CSTF2: variants seen among roughly 807,000 people sequenced by gnomAD.
The protein encoded by CSTF2 is CF-1 64 kDa subunit.
Under a neutral mutation model 45.4 loss-of-function variants are expected in CSTF2, and 8 were observed. The ratio of observed to expected loss-of-function variants is 0.18; its 90% CI spans 0.10 to 0.32. The LOEUF is 0.32. CSTF2 is among the 10% of genes least tolerant of loss of function. The pLI, the probability that CSTF2 is intolerant of heterozygous loss-of-function variation, is 1.00. For missense variants in CSTF2, 253 were observed against 477.1 expected (o/e 0.53, Z 4.38); for synonymous variants, 155 against 158.9 (o/e 0.98, Z 0.18).
chrX:100,830,947 T>C, intron 8 of CSTF2: 1 of 843,352 alleles, frequency 1.2e-6, no homozygotes, highest in Non-Finnish European at 1.7e-6. Context: ...TGCGTGGCAG[T>C]CATCCTCGCG....
intron 11 of CSTF2, among the ~76,000 whole-genome samples, chrX:100,835,782 C>T (rs1316689811): frequency 9.0e-6 from 1 of 110,874 alleles, no homozygotes; most frequent in Non-Finnish European, 1.9e-5. Flanking sequence ...GTCACTTTTG[C>T]TAGTACTTGT....
chrX:100,823,141 A>G (rs2084928090), intron 3 of CSTF2, 151 bp from the exon 4 acceptor site: 2 of 605,287 alleles, frequency 3.3e-6, no homozygotes, highest in African/African-American at 4.5e-5. Context: ...TCCTCCACAG[A>G]AACAAGAGGC....
chrX:100,835,869 T>A (rs1351515729), intron 11 of CSTF2, among the ~76,000 whole-genome samples: 1 of 111,504 alleles, frequency 9.0e-6, no homozygotes, highest in Middle Eastern at 4.2e-3. Flanking sequence ...GTACCTCAGA[T>A]TAAAGCTTCA....
chrX:100,836,642 CA>C (rs2085010238), intron 11 of CSTF2, among the ~76,000 whole-genome samples: 1 of 111,711 alleles, frequency 9.0e-6, no homozygotes, highest in African/African-American at 3.3e-5. Context: ...GGTAGTCTTG[CA>C]AAGGGTTGAA....
chrX:100,837,186 A>G (rs1475606012), intron 11 of CSTF2, among the ~76,000 whole-genome samples, 153 bp from the exon 12 acceptor site: 1 of 112,450 alleles, frequency 8.9e-6, no homozygotes, highest in South Asian at 3.7e-4. Flanking sequence ...GCCTTCTGCT[A>G]TTGCTAACAG....
At chrX:100,822,591 A>G in intron 3 of CSTF2, 171 bp downstream of exon 3, 1 of 475,228 alleles carries the variant, frequency 2.1e-6, no homozygotes. Context: ...ATATCTTTTT[A>G]AAAACTTTTT....
At chrX:100,839,754 A>C (rs182900448) in intron 13 of CSTF2, among the ~76,000 whole-genome samples, 25 of 111,689 alleles carry the variant, frequency 2.2e-4, no homozygotes, top group Non-Finnish European at 3.6e-4. Flanking sequence ...CAGAGGAATA[A>C]ATAAAAATTA....
At chrX:100,836,417 A>G (rs1420871668) in intron 11 of CSTF2, among the ~76,000 whole-genome samples, 1 of 112,040 alleles carries the variant, frequency 8.9e-6, no homozygotes, top group African/African-American at 3.2e-5. Flanking sequence ...ATATTACTGA[A>G]GTGGTATCTG....
chrX:100,836,413 CTG>C (rs2147894589), intron 11 of CSTF2, among the ~76,000 whole-genome samples: 1 of 112,144 alleles, frequency 8.9e-6, no homozygotes, highest in African/African-American at 3.2e-5. Flanking sequence ...CTTCATATTA[CTG>C]AAGTGGTATC....
chrX:100,836,856 A>G (rs1238517355), intron 11 of CSTF2, among the ~76,000 whole-genome samples: 1 of 112,055 alleles, frequency 8.9e-6, no homozygotes, highest in Non-Finnish European at 1.9e-5. Flanking sequence ...CTCTGACATT[A>G]TGAACATCTC....
Position 100,823,366 on chromosome X carries a change from A to C in CSTF2, c.382A>C (p.Ile128Leu). The part of the protein sequence containing the change: ...TISPEDAPES[I>L]SKAVASLPPE... The stretch of plus-strand genomic sequence containing the variant: ...CAGTCCTGAGGATGCCCCTGAGTCC[A>C]TTAGCAAAGCAGTTGCCAGCCTTCC... The change falls in exon 4 of 14, where the codon ATT (isoleucine) becomes CTT (leucine). Residue 128 changes from isoleucine to leucine, a missense_variant. Physicochemically the swap from Ile to Leu is conservative, Grantham distance 5. Around this residue, in one of 3 missense-constraint regions of CSTF2, gnomAD observed 45 missense variants for 147.5 expected, o/e 0.31. Transcript: ENST00000372972. The C allele has an allele frequency of 8.2e-7, 1 of 1,212,240 alleles. No individual in the cohort carries two copies. Among genetic ancestry groups the C allele is most frequent in the East Asian group, 3.0e-5 (1 of 33,873 alleles).
intron 9 of CSTF2, 99 bp downstream of exon 9, chrX:100,831,755 C>A: frequency 2.2e-6 from 2 of 918,300 alleles, no homozygotes; most frequent in Non-Finnish European, 3.1e-6. Context: ...TGTTTGCCTA[C>A]TTCAAAAGGT....
rs369079352 is a variant in CSTF2, at chrX:100,838,217, CTT to C, written c.1612-13_1612-12del. ...AGCTGCCATCATTAAAACTCACTAC[CTT>C]TTTTTTTTCCTCTGCACAGGCTGCT... On this transcript the variant is annotated intron_variant, in intron 12 of 13. Coordinates refer to ENST00000372972, the MANE Select transcript of CSTF2 (RefSeq NM_001325.3). 13 of 1,020,331 alleles carry C rather than the reference CTT, an allele frequency of 1.3e-5. No individual in the cohort carries two copies. The highest frequency in any genetic ancestry group is 5.9e-5 in the African/African-American group (3 of 50,831). 84.1% of individuals were successfully genotyped at this position (1,020,331 alleles called of 1,213,427 possible).
At position 100,840,797 on chromosome X, in the gene CSTF2, T is replaced by A. The variant is rs1475357729; in HGVS notation, c.*87T>A. The A allele has an allele frequency of 1.8e-5, 2 of 112,086 alleles. No homozygotes were observed. The highest frequency in any genetic ancestry group is 9.5e-5 in the Admixed American group (1 of 10,532). The allele number at this position is 112,086 out of a possible 1,213,427, so 9.2% of individuals were successfully genotyped here. ...AAAAAGATGACCTGCATCCTAACCC[T>A]TGAATGACTCAAATCAGTGCCAGGT... On this transcript the variant is annotated 3_prime_UTR_variant, in exon 14 of 14. Coordinates refer to ENST00000372972, the MANE Select transcript of CSTF2 (RefSeq NM_001325.3).
chrX:100,838,468 T>C, intron 13 of CSTF2, 104 bp downstream of exon 13: 1 of 777,762 alleles, frequency 1.3e-6, no homozygotes, highest in Admixed American at 3.9e-5. Flanking sequence ...CGGCCCTCAA[T>C]CCACTCAGCT....
chrX:100,840,470 C>T (rs967421758), intron 13 of CSTF2, among the ~76,000 whole-genome samples: 4 of 111,543 alleles, frequency 3.6e-5, no homozygotes, highest in Non-Finnish European at 5.6e-5. Flanking sequence ...TCACCCACTT[C>T]CCAATAGCAA....
intron 9 of CSTF2, among the ~76,000 whole-genome samples, chrX:100,831,989 G>A (rs895143288): frequency 1.8e-5 from 2 of 111,893 alleles, no homozygotes; most frequent in Admixed American, 9.5e-5. Flanking sequence ...GGCCAAGGTG[G>A]GTGGATCACT....
intron 7 of CSTF2, among the ~76,000 whole-genome samples, chrX:100,827,140 A>G: frequency 8.9e-6 from 1 of 112,303 alleles, no homozygotes; most frequent in Non-Finnish European, 1.9e-5. Flanking sequence ...TACTCTGCTA[A>G]ATATGAATGA....
chrX:100,835,088 T>G (rs895462183), intron 11 of CSTF2, among the ~76,000 whole-genome samples: 4 of 110,680 alleles, frequency 3.6e-5, no homozygotes, highest in African/African-American at 1.3e-4. Context: ...TATTCGTTCA[T>G]CTATAAAAGA....
Sources: allele counts gnomAD v4.1 joint callset (sites outside exome capture counted in the v4.1 genomes callset), GRCh38; gene constraint gnomAD v4.1.1; regional missense constraint gnomAD v4.1.1; transcripts MANE v1.5; gene names NCBI Gene and HGNC (gene_info 2026-07-23, HGNC 2026-07-21).